The following CAND1 variants were observed in gnomAD, a reference collection of about 807,000 sequenced individuals.
CAND1 encodes cullin-associated NEDD8-dissociated protein 1.
Under a neutral mutation model 108.5 loss-of-function variants are expected in CAND1, and 7 were observed. That is an observed-to-expected ratio of 0.06 (90% confidence interval 0.04 to 0.12). The LOEUF is 0.12. Ranked by LOEUF, CAND1 falls within the 10% of genes least tolerant of loss-of-function variation. The probability of loss-of-function intolerance (pLI) is 1.00; values close to 1 mark genes in which losing one functional copy is unlikely to be tolerated. For missense variants in CAND1, 941 were observed against 1,448.7 expected, an observed-to-expected ratio of 0.65 and a Z score of 5.69; for synonymous variants, 534 against 512.0, an observed-to-expected ratio of 1.04 and a Z score of -0.58.
chr12:67,280,879 G>A (rs1284837548), intron 1 of CAND1, among the ~76,000 whole-genome samples: 1 of 152,074 alleles, frequency 6.6e-6, no homozygotes, highest in Non-Finnish European at 1.5e-5. Flanking sequence ...TGGTTCTTAA[G>A]GGGAGGGGAG....
At chr12:67,281,887 A>C in intron 1 of CAND1, 23 bp from the exon 2 acceptor site, 1 of 1,532,648 alleles carries the variant, frequency 6.5e-7, no homozygotes. Flanking sequence ...TTTTCAAATT[A>C]ACAAATTTTA....
Position 67,269,666 on chromosome 12 carries a change from G to GCAGCGGGCAGCAGCTCCAGCAGCGC in CAND1, c.-47_-23dup. 6.6e-7 allele frequency: 1 copy of GCAGCGGGCAGCAGCTCCAGCAGCGC among 1,514,120 alleles called. No homozygotes were observed. The highest frequency in any genetic ancestry group is 9.0e-7 in the Non-Finnish European group (1 of 1,107,120). The allele number at this position is 1,514,120 out of a possible 1,614,324, so 93.8% of individuals were successfully genotyped here. On this transcript the variant is annotated 5_prime_UTR_variant, in exon 1 of 15. Coordinates refer to ENST00000545606, the MANE Select transcript of CAND1 (RefSeq NM_018448.5). The stretch of plus-strand genomic sequence containing the variant: ...AGTGGCGGCGGCGGCGGCGGCAGCG[G>GCAGCGGGCAGCAGCTCCAGCAGCGC]CAGCGGGCAGCAGCTCCAGCAGCGC...
chr12:67,309,040 CT>C (rs2044920809), intron 11 of CAND1, among the ~76,000 whole-genome samples: 1 of 151,994 alleles, frequency 6.6e-6, no homozygotes. Context: ...CATGTGAATA[CT>C]TAGTGTGTAC....
chr12:67,301,624 G>GA (rs939105592), intron 7 of CAND1, among the ~76,000 whole-genome samples: 1 of 152,012 alleles, frequency 6.6e-6, no homozygotes, highest in African/African-American at 2.4e-5. Flanking sequence ...AGCATTAGGG[G>GA]AAAAAATGGT....
intron 7 of CAND1, among the ~76,000 whole-genome samples, chr12:67,300,695 A>G (rs771516903): frequency 8.5e-5 from 13 of 152,172 alleles, no homozygotes; most frequent in Non-Finnish European, 1.5e-4. Flanking sequence ...CTATTAGAAT[A>G]TAAGTTTCAT....
At chr12:67,273,485 T>TC (rs1565712121) in intron 1 of CAND1, among the ~76,000 whole-genome samples, 1 of 150,190 alleles carries the variant, frequency 6.7e-6, no homozygotes, top group Admixed American at 6.6e-5. Context: ...TTTTCTTTTT[T>TC]TTTTTTTTTT....
At chr12:67,297,197 A>G in intron 4 of CAND1, 2 of 635,452 alleles carry the variant, frequency 3.1e-6, no homozygotes, top group South Asian at 3.6e-5. Context: ...TCAGTTTGGC[A>G]ATGTAAATTT....
intron 1 of CAND1, among the ~76,000 whole-genome samples, chr12:67,278,032 C>G (rs1053179366): frequency 5.9e-5 from 9 of 152,314 alleles, no homozygotes; most frequent in Middle Eastern, 6.8e-3. Flanking sequence ...GCTTCCCACT[C>G]TCTTAGAATA....
intron 7 of CAND1, 127 bp downstream of exon 7, chr12:67,299,222 T>A (rs981874425): frequency 1.6e-5 from 15 of 913,710 alleles, no homozygotes; most frequent in Non-Finnish European, 2.2e-5. Flanking sequence ...ATGATCTCAA[T>A]ATTTGACAAC....
chr12:67,305,807 C>A lies in CAND1; in HGVS notation c.2139C>A (p.Ile713=), dbSNP rs776727230. ...ESDMHVSQMA[I]SFLTTLAKVY... is the part of the protein sequence containing the mutation. ...ATATGCATGTTTCACAAATGGCCAT[C>A]AGTTTTCTTACCACTTTGGCAAAAG... The change falls in exon 10 of 15, where the codon ATC becomes ATA. Residue 713 remains isoleucine (I), a synonymous_variant. Transcript: ENST00000545606. The surrounding 1 kb of genome is among the most constrained non-coding windows in gnomAD (Gnocchi z 4.4). The A allele has an allele frequency of 8.7e-6, 14 of 1,614,062 alleles. No homozygotes were observed. In the South Asian group the frequency reaches 1.5e-4, roughly 18 times the overall value.
At chr12:67,282,729 G>A (rs374817215) in intron 2 of CAND1, among the ~76,000 whole-genome samples, 2 of 152,132 alleles carry the variant, frequency 1.3e-5, no homozygotes, top group East Asian at 3.9e-4. Flanking sequence ...ATAAAGAATA[G>A]CAGCAGTTAA....
intron 2 of CAND1, among the ~76,000 whole-genome samples, chr12:67,286,009 A>G (rs576000229): frequency 6.6e-6 from 1 of 151,884 alleles, no homozygotes; most frequent in East Asian, 1.9e-4. Flanking sequence ...TATTTTATTT[A>G]TTATTATTGT....
intron 7 of CAND1, among the ~76,000 whole-genome samples, chr12:67,300,250 T>G (rs894591275): frequency 2.0e-5 from 3 of 146,478 alleles, no homozygotes; most frequent in African/African-American, 5.2e-5. Context: ...CCACTGTACT[T>G]AGAGTATCCC....
At chr12:67,310,493 T>C in intron 13 of CAND1, 177 bp downstream of exon 13, 2 of 459,160 alleles carry the variant, frequency 4.4e-6, no homozygotes, top group Non-Finnish European at 3.9e-6. Flanking sequence ...CCAGTTGACG[T>C]GTAAGAAAGA....
rs2045008734 is a variant in CAND1, at chr12:67,316,506, A to T, written c.*3676A>T. On this transcript the variant is annotated 3_prime_UTR_variant, in exon 15 of 15. Coordinates refer to ENST00000545606, the MANE Select transcript of CAND1 (RefSeq NM_018448.5). ...AACATGTTTTTGCTCTTTGTAACTT[A>T]GAAAGTTAGCTCTGAATCCAAAAAC... 1 of 152,230 alleles carries T rather than the reference A, an allele frequency of 6.6e-6. No individual in the cohort carries two copies. Among genetic ancestry groups the T allele is most frequent in the Non-Finnish European group, 1.5e-5 (1 of 68,044 alleles). The allele number at this position is 152,230 out of a possible 1,614,324, so 9.4% of individuals were successfully genotyped here. A position where few individuals can be genotyped will look rare whatever the true frequency, so the allele number is the denominator to read the frequency against.
chr12:67,283,276 A>C (rs1286606263), intron 2 of CAND1, among the ~76,000 whole-genome samples: 1 of 152,224 alleles, frequency 6.6e-6, no homozygotes, highest in East Asian at 1.9e-4. Flanking sequence ...GTTTAAAATA[A>C]AATGGGTCTT....
chr12:67,285,346 G>A (rs752515326), intron 2 of CAND1, among the ~76,000 whole-genome samples: 2 of 152,124 alleles, frequency 1.3e-5, no homozygotes, highest in Non-Finnish European at 2.9e-5. Flanking sequence ...AAAGTTTTTG[G>A]TTCTCTTCAG....
Position 67,304,652 on chromosome 12 carries a change from T to C in CAND1, c.1341T>C (p.Ser447=), listed in dbSNP as rs753494058. The C allele has an allele frequency of 1.2e-5, 19 of 1,613,746 alleles. No individual in the cohort carries two copies. In the Admixed American group the frequency reaches 2.8e-4, roughly 24 times the overall value. ...TTCACAAACAGATGAAAGAAAAAAG[T>C]GTGAAGACCCGACAGTGTTGTTTTA... ...KALHKQMKEK[S]VKTRQCCFNM... Residue 447 remains serine (S), a synonymous_variant, in exon 9 of 15, where the codon AGT becomes AGC. Transcript: ENST00000545606.
intron 11 of CAND1, among the ~76,000 whole-genome samples, chr12:67,308,341 C>T (rs2044910662): frequency 6.6e-6 from 1 of 152,034 alleles, no homozygotes; most frequent in Non-Finnish European, 1.5e-5. Flanking sequence ...GGTTCTATTG[C>T]TAGGGCCTAG....
Sources: allele counts gnomAD v4.1 joint callset (sites outside exome capture counted in the v4.1 genomes callset), GRCh38; gene constraint gnomAD v4.1.1; non-coding constraint Gnocchi (gnomAD v3.1); transcripts MANE v1.5; gene names NCBI Gene and HGNC (gene_info 2026-07-23, HGNC 2026-07-21).